The following KIRREL3 variants were observed in gnomAD, a reference collection of about 807,000 sequenced individuals.
KIRREL3 encodes the protein kin of IRRE-like protein 3.
Under a neutral mutation model 89.7 loss-of-function variants are expected in KIRREL3, and 36 were observed. The observed-to-expected ratio is 0.40, with a 90% CI of 0.31 to 0.53. The LOEUF (loss-of-function observed/expected upper bound fraction) is 0.53, where lower values mean the gene tolerates loss of function less well. Ranked by LOEUF, KIRREL3 falls within the 20% of genes least tolerant of loss-of-function variation. KIRREL3 has a pLI of 0.49. For synonymous variants in KIRREL3, 445 were observed against 441.4 expected (o/e 1.01, Z -0.10); for missense variants, 864 against 1,056.6 (o/e 0.82, Z 2.53).
chr11:126,728,696 A>G (rs1027822210), intron 1 of KIRREL3, among the ~76,000 whole-genome samples: 16 of 152,194 alleles, frequency 1.1e-4, no homozygotes, highest in Admixed American at 2.6e-4. Context: ...AGCCCTGAGT[A>G]CTTGTCAGTG....
chr11:126,954,802 T>C lies in KIRREL3; in HGVS notation c.55+45653A>G, dbSNP rs1433344960. ...TGAACAACTTTATCAGAAAGTTTTT[T>C]CTCATAGAAGGCAGAAATTTATCTC... is the stretch of plus-strand genomic sequence containing the variant. On this transcript the variant is annotated intron_variant, in intron 1 of 16. Transcript: ENST00000525144. This position sits in a 1 kb window ranked among gnomAD's most constrained non-coding sequence, Gnocchi z 4.1. Among the ~76,000 whole-genome samples the C allele has an allele frequency of 4.6e-5, 7 of 152,170 alleles. No individual in the cohort carries two copies. Among genetic ancestry groups the C allele is most frequent in the African/African-American group, 1.7e-4 (7 of 41,452 alleles).
intron 1 of KIRREL3, among the ~76,000 whole-genome samples, chr11:126,852,535 C>A (rs7123800): frequency 0.85 from 129,123 of 152,114 alleles, 54,998 homozygotes; most frequent in East Asian, 1. Flanking sequence ...ATCTGGAGAC[C>A]GTAAGTCCTC....
At chr11:126,618,240 T>C (rs1231437575) in intron 1 of KIRREL3, among the ~76,000 whole-genome samples, 1 of 147,298 alleles carries the variant, frequency 6.8e-6, no homozygotes, top group African/African-American at 2.5e-5. Context: ...TAGTTACGCA[T>C]TGGCCAGGGT....
In KIRREL3 at chr11:126,707,560, C is replaced by T. The variant is rs952911930; in HGVS notation, c.56-144648G>A. 6.6e-5 allele frequency among the ~76,000 whole-genome samples: 10 copies of T among 152,188 alleles called. No homozygotes were observed. In the East Asian group the frequency reaches 1.9e-3, roughly 29 times the overall value. ...GTCCATTGTTCTCTCTGTTCATATG[C>T]CAATACTGAAGGCTGCTTCTTAGCC... On this transcript the variant is annotated intron_variant, in intron 1 of 16. Coordinates refer to ENST00000525144, the MANE Select transcript of KIRREL3 (RefSeq NM_032531.4).
Position 126,485,858 on chromosome 11 carries a change from A to T in KIRREL3, c.434-12392T>A, listed in dbSNP as rs1957346103. Among the ~76,000 whole-genome samples the T allele has an allele frequency of 6.6e-6, 1 of 152,224 alleles. No homozygotes were observed. The highest frequency in any genetic ancestry group is 2.4e-5 in the African/African-American group (1 of 41,462). On this transcript the variant is annotated intron_variant, in intron 4 of 16. Transcript: ENST00000525144. This position sits in a 1 kb window ranked among gnomAD's most constrained non-coding sequence, Gnocchi z 5.8. ...AGACCCAAAGATCCCACAGCTGTAC[A>T]GGTCTGATGGGCAGCCCTGCTGCCT...
At position 126,551,484 on chromosome 11, in the gene KIRREL3, G is replaced by C. The variant is rs1371224980; in HGVS notation, c.133+11351C>G. 6.6e-6 allele frequency among the ~76,000 whole-genome samples: 1 copy of C among 152,026 alleles called. No individual in the cohort carries two copies. The highest frequency in any genetic ancestry group is 1.5e-5 in the Non-Finnish European group (1 of 68,006). The stretch of plus-strand genomic sequence containing the variant: ...TGGATGAAATCCCCCCACCCCATGC[G>C]CCTCTATATAGAAACATGTCTAGAT... On this transcript the variant is annotated intron_variant, in intron 2 of 16. Transcript: ENST00000525144. The surrounding 1 kb of genome is among the most constrained non-coding windows in gnomAD (Gnocchi z 4.9).
At chr11:126,626,477 G>A (rs934484560) in intron 1 of KIRREL3, among the ~76,000 whole-genome samples, 1 of 152,198 alleles carries the variant, frequency 6.6e-6, no homozygotes, top group African/African-American at 2.4e-5. Context: ...CTGAAGCAGA[G>A]GTCTGGAGGG....
intron 2 of KIRREL3, among the ~76,000 whole-genome samples, chr11:126,552,793 C>A (rs565690932): frequency 6.6e-6 from 1 of 151,934 alleles, no homozygotes; most frequent in Admixed American, 6.6e-5. Flanking sequence ...AAACTCCTGA[C>A]CTCAGGTGAT....
rs562422598 is a variant in KIRREL3 at position 126,576,626 on chromosome 11, G to C, written c.56-13714C>G. On this transcript the variant is annotated intron_variant, in intron 1 of 16. Transcript: ENST00000525144. The surrounding 1 kb of genome is among the most constrained non-coding windows in gnomAD (Gnocchi z 5.4). ...CCAAACCCTCTCTCAGGCTGGCAGT[G>C]TGCCACCCACCACAGCTTGGCCTTG... Among the ~76,000 whole-genome samples the C allele has an allele frequency of 2.6e-5, 4 of 152,318 alleles. No homozygotes were observed. The highest frequency in any genetic ancestry group is 7.2e-5 in the African/African-American group (3 of 41,564).
chr11:126,592,005 C>T (rs766233097), intron 1 of KIRREL3, among the ~76,000 whole-genome samples: 4 of 152,104 alleles, frequency 2.6e-5, no homozygotes, highest in African/African-American at 9.7e-5. Context: ...TGCAGTGCCA[C>T]GGCTGGGGGT....
chr11:126,491,236 G>T lies in KIRREL3; in HGVS notation c.434-17770C>A, dbSNP rs1957504890. On this transcript the variant is annotated intron_variant, in intron 4 of 16. Transcript: ENST00000525144. This position sits in a 1 kb window ranked among gnomAD's most constrained non-coding sequence, Gnocchi z 5.5. ...TGGCGGTGAAACCACCTGAGGGTCA[G>T]GAAGGCTGAGTGAAGGCCAGAAGCC... is the stretch of plus-strand genomic sequence containing the variant. 6.6e-6 allele frequency among the ~76,000 whole-genome samples: 1 copy of T among 152,220 alleles called. No individual in the cohort carries two copies.
chr11:126,456,279 A>G, intron 7 of KIRREL3, 70 bp downstream of exon 7: 1 of 1,001,234 alleles, frequency 1.0e-6, no homozygotes, highest in South Asian at 1.4e-5. Flanking sequence ...ACCCTAAGTG[A>G]CATCCCACGT....
rs1033508717 is a variant in KIRREL3 at position 126,999,508 on chromosome 11, C to G, written c.55+947G>C. On this transcript the variant is annotated intron_variant, in intron 1 of 16. Transcript: ENST00000525144. The surrounding 1 kb of genome is among the most constrained non-coding windows in gnomAD (Gnocchi z 5.7). ...TGGATTTTTTCTGAGTCTTGCACCT[C>G]TAAGAGCTGTGTTGGCTGGCACAAA... Among the ~76,000 whole-genome samples, 3 of 152,228 alleles carry G rather than the reference C, an allele frequency of 2.0e-5. No homozygotes were observed. Among genetic ancestry groups the G allele is most frequent in the African/African-American group, 7.2e-5 (3 of 41,460 alleles).
At chr11:126,888,297 C>A (rs980997335) in intron 1 of KIRREL3, among the ~76,000 whole-genome samples, 7 of 152,130 alleles carry the variant, frequency 4.6e-5, no homozygotes, top group Admixed American at 4.6e-4. Context: ...CTAGAGGAGT[C>A]TTTGAAGTGA....
Position 126,750,872 on chromosome 11 carries a change from TA to T in KIRREL3, c.56-187961del, listed in dbSNP as rs1949312454. 6.6e-6 allele frequency among the ~76,000 whole-genome samples: 1 copy of T among 152,236 alleles called. No homozygotes were observed. The highest frequency in any genetic ancestry group is 6.5e-5 in the Admixed American group (1 of 15,292). ...TCATGAGTACTAATAAAACACATGA[TA>T]GTTATCACTTTAGGGATGGCTTTGA... On this transcript the variant is annotated intron_variant, in intron 1 of 16. Coordinates refer to ENST00000525144, the MANE Select transcript of KIRREL3 (RefSeq NM_032531.4). This position sits in a 1 kb window ranked among gnomAD's most constrained non-coding sequence, Gnocchi z 4.2.
Position 126,424,261 on chromosome 11 carries a change from C to T in KIRREL3, c.*319G>A. ...TTCATGAAAGCAGAGTTATAGCTGC[C>T]ACTTGTGCCTGTGGGCAGAGCAGGT... is the stretch of plus-strand genomic sequence containing the variant. On this transcript the variant is annotated 3_prime_UTR_variant, in exon 17 of 17. Transcript: ENST00000525144. 2.3e-6 allele frequency: 1 copy of T among 425,798 alleles called. No homozygotes were observed. Among genetic ancestry groups the T allele is most frequent in the East Asian group, 4.3e-5 (1 of 23,174 alleles). The allele number at this position is 425,798 out of a possible 1,614,324, so 26.4% of individuals were successfully genotyped here. A position where few individuals can be genotyped will look rare whatever the true frequency, so the allele number is the denominator to read the frequency against.
At chr11:126,460,336 C>T (rs770884197) in intron 6 of KIRREL3, among the ~76,000 whole-genome samples, 2 of 152,114 alleles carry the variant, frequency 1.3e-5, no homozygotes, top group African/African-American at 4.8e-5. Flanking sequence ...TCAGACACTG[C>T]GCTAGGGGGC....
chr11:126,440,903 G>A (rs1955538947), intron 10 of KIRREL3: 1 of 334,610 alleles, frequency 3.0e-6, no homozygotes. Context: ...AAAGCTTTAG[G>A]GAGGAGGTGG....
chr11:126,811,132 CAGCAGCCAGGCTCTTA>C lies in KIRREL3; in HGVS notation c.55+189307_55+189322del, dbSNP rs1951372752. On this transcript the variant is annotated intron_variant, in intron 1 of 16. Coordinates refer to ENST00000525144, the MANE Select transcript of KIRREL3 (RefSeq NM_032531.4). This position sits in a 1 kb window ranked among gnomAD's most constrained non-coding sequence, Gnocchi z 4.3. ...GTTGACATCCCCTTCTAAGCTCCCG[CAGCAGCCAGGCTCTTA>C]AGCAGCCAGCTAGCAACTCCATGTG... Among the ~76,000 whole-genome samples the C allele has an allele frequency of 6.6e-6, 1 of 152,244 alleles. No homozygotes were observed. The highest frequency in any genetic ancestry group is 2.4e-5 in the African/African-American group (1 of 41,462).
Sources: gnomAD v4.1 joint callset for allele counts (sites outside exome capture counted in the v4.1 genomes callset) on GRCh38, gnomAD v4.1.1 for gene constraint, Gnocchi (gnomAD v3.1) non-coding constraint, MANE v1.5 for transcripts, NCBI Gene and HGNC (gene_info 2026-07-23, HGNC 2026-07-21) for gene names.